The following ATAD5 variants were observed in gnomAD, a reference collection of about 807,000 sequenced individuals.
The protein encoded by ATAD5 is ATPase family AAA domain containing 5.
ATAD5 carries 58 observed loss-of-function variants against 176.9 expected under a neutral mutation model. That is an observed-to-expected ratio of 0.33 (90% CI 0.27 to 0.41). The LOEUF is 0.41. Ranked by LOEUF, ATAD5 falls within the 10% of genes least tolerant of loss-of-function variation. The pLI, the probability that ATAD5 is intolerant of heterozygous loss-of-function variation, is 1.00. For missense variants in ATAD5, 1,789 were observed against 2,094.1 expected, an observed-to-expected ratio of 0.85 and a Z score of 2.84; for synonymous variants, 640 against 712.6, an observed-to-expected ratio of 0.90 and a Z score of 1.62.
intron 18 of ATAD5, among the ~76,000 whole-genome samples, chr17:30,886,450 A>G (rs1445298608): frequency 6.6e-6 from 1 of 151,108 alleles, no homozygotes; most frequent in African/African-American, 2.4e-5. Context: ...CCGAGGCTGG[A>G]GTGCAATGGT....
chr17:30,868,993 CA>C (rs1908176691), intron 12 of ATAD5, among the ~76,000 whole-genome samples: 1 of 151,522 alleles, frequency 6.6e-6, no homozygotes, highest in African/African-American at 2.4e-5. Flanking sequence ...TGTGTCACCA[CA>C]CCTGGCTAAT....
rs570493692 is a variant in ATAD5, at chr17:30,872,373, G to T, written c.3607+2727G>T. ...CTGATGGGAAGACGAATCATTCACA[G>T]CTCTCTGTGAGCCTCAGAGATTGTT... On this transcript the variant is annotated intron_variant, in intron 14 of 22. Coordinates refer to ENST00000321990, the MANE Select transcript of ATAD5 (RefSeq NM_024857.5). 3.3e-5 allele frequency among the ~76,000 whole-genome samples: 5 copies of T among 152,130 alleles called. No homozygotes were observed. The South Asian group carries it at 1.0e-3, about 32-fold the overall frequency.
At chr17:30,851,731 C>T (rs1209991229) in intron 6 of ATAD5, among the ~76,000 whole-genome samples, 1 of 152,032 alleles carries the variant, frequency 6.6e-6, no homozygotes, top group East Asian at 1.9e-4. Flanking sequence ...TACAGGTATG[C>T]ACCACCACAC....
chr17:30,854,512 C>T (rs1377785814), intron 6 of ATAD5, among the ~76,000 whole-genome samples: 2 of 150,618 alleles, frequency 1.3e-5, no homozygotes, highest in Admixed American at 6.7e-5. Context: ...GGTGGGATTA[C>T]AGGCACCCGC....
intron 6 of ATAD5, among the ~76,000 whole-genome samples, chr17:30,849,126 C>G (rs1394718053): frequency 3.3e-5 from 5 of 152,188 alleles, no homozygotes; most frequent in Non-Finnish European, 7.3e-5. Context: ...CTGCCTCGGC[C>G]TCCCAAAGTG....
At position 30,835,699 on chromosome 17, in the gene ATAD5, G is replaced by A. The variant is rs1212819372; in HGVS notation, c.1618G>A (p.Val540Ile). The change falls in exon 2 of 23, where the codon GTT becomes ATT. Residue 540 changes from valine (V) to isoleucine (I), a missense_variant. Physicochemically the swap from Val to Ile is conservative, Grantham distance 29. Transcript: ENST00000321990. The stretch of plus-strand genomic sequence containing the variant: ...CACTTTATTTAACAATGAAAGTCTT[G>A]TTTATGAAGATATAGCAAATGATGA... ...SSTLFNNESL[V>I]YEDIANDDLL... 3 of 1,609,362 alleles carry A rather than the reference G, an allele frequency of 1.9e-6. No homozygotes were observed. The highest frequency in any genetic ancestry group is 1.7e-5 in the Admixed American group (1 of 58,848).
chr17:30,846,907 TG>T (rs1365415094), intron 6 of ATAD5, among the ~76,000 whole-genome samples: 2 of 151,188 alleles, frequency 1.3e-5, no homozygotes, highest in African/African-American at 4.9e-5. Context: ...TTAGTAGAGA[TG>T]GGGTTTTTCC....
intron 3 of ATAD5, 87 bp from the exon 4 acceptor site, chr17:30,840,530 A>C (rs1906038980): frequency 3.1e-6 from 3 of 960,506 alleles, no homozygotes; most frequent in African/African-American, 3.4e-5. Context: ...TTGATTATTT[A>C]ATGTGATTTG....
intron 19 of ATAD5, 133 bp downstream of exon 19, chr17:30,887,505 C>G (rs1161651810): frequency 4.5e-6 from 3 of 664,234 alleles, no homozygotes; most frequent in Non-Finnish European, 7.5e-6. Flanking sequence ...TCTCTTGAGG[C>G]CAGGAGGTCC....
chr17:30,834,168 A>T lies in ATAD5; in HGVS notation c.87A>T (p.Lys29Asn). Residue 29 changes from lysine (K) to asparagine (N), a missense_variant, in exon 2 of 23, where the codon AAA becomes AAT. Lys to Asn is a moderately conservative substitution (Grantham distance 94, BLOSUM62 0). Coordinates refer to ENST00000321990, the MANE Select transcript of ATAD5 (RefSeq NM_024857.5). ...CEIEPCKKRK[K>N]DDDTSTCKTI... ...GCCAGCCATGCAAAAAGCGAAAGAA[A>T]GATGATGACACATCTACCTGCAAAA... is the stretch of plus-strand genomic sequence containing the variant. 1 of 1,556,730 alleles carries T rather than the reference A, an allele frequency of 6.4e-7. No individual in the cohort carries two copies. Among genetic ancestry groups the T allele is most frequent in the Non-Finnish European group, 8.6e-7 (1 of 1,157,354 alleles).
At chr17:30,855,112 G>A (rs1386820674) in intron 6 of ATAD5, 31 bp from the exon 7 acceptor site, 1 of 1,534,328 alleles carries the variant, frequency 6.5e-7, no homozygotes, top group Admixed American at 2.1e-5. Context: ...TATAACCTTA[G>A]CTTTTCTTTT....
At chr17:30,853,406 A>G (rs1185873049) in intron 6 of ATAD5, among the ~76,000 whole-genome samples, 1 of 151,896 alleles carries the variant, frequency 6.6e-6, no homozygotes, top group Non-Finnish European at 1.5e-5. Context: ...CTTCTGCTAT[A>G]GAGACATACT....
rs1336821781 is a variant in ATAD5 at position 30,835,009 on chromosome 17, A to C, written c.928A>C (p.Asn310His). 18 of 1,613,896 alleles carry C rather than the reference A, an allele frequency of 1.1e-5. No individual in the cohort carries two copies. Among genetic ancestry groups the C allele is most frequent in the Non-Finnish European group, 1.4e-5 (17 of 1,179,992 alleles). The change falls in exon 2 of 23, where the codon AAC becomes CAC. Residue 310 changes from asparagine (N) to histidine (H), a missense_variant. By Grantham distance (68) the Asn-to-His change is moderately conservative (BLOSUM62 1). Transcript: ENST00000321990. ...VKSGYISESE[N>H]SEISQQVRFK... ...AAGTGGTTATATAAGTGAATCAGAA[A>C]ACTCCGAAATTTCCCAGCAGGTACG...
chr17:30,854,800 G>C (rs1308262481), intron 6 of ATAD5, among the ~76,000 whole-genome samples: 2 of 151,922 alleles, frequency 1.3e-5, no homozygotes, highest in Non-Finnish European at 2.9e-5. Context: ...AGACTGGAAG[G>C]CTAGATAGAG....
intron 3 of ATAD5, among the ~76,000 whole-genome samples, chr17:30,840,019 C>T (rs561099620): frequency 1.1e-4 from 16 of 151,628 alleles, no homozygotes; most frequent in South Asian, 8.4e-4. Context: ...GCCAACATGG[C>T]GAACCCCATC....
chr17:30,851,871 C>A (rs1457979591), intron 6 of ATAD5, among the ~76,000 whole-genome samples: 4 of 152,164 alleles, frequency 2.6e-5, no homozygotes, highest in African/African-American at 9.6e-5. Flanking sequence ...CATGAGCTAT[C>A]TTGCCTGGCC....
chr17:30,844,484 T>C (rs927467983), intron 5 of ATAD5, among the ~76,000 whole-genome samples: 9 of 151,968 alleles, frequency 5.9e-5, no homozygotes, highest in Non-Finnish European at 1.3e-4. Flanking sequence ...TAGTATCTTA[T>C]GTAAAATTTT....
chr17:30,893,739 C>T lies in ATAD5; in HGVS notation c.4886C>T (p.Pro1629Leu). The change falls in exon 21 of 23, where the codon CCT becomes CTT. Residue 1629 changes from proline (P) to leucine (L), a missense_variant. Transcript: ENST00000321990. The stretch of plus-strand genomic sequence containing the variant: ...GAGACAAAGAAATCTATTCCTTGTC[C>T]TCCTAAAACAACTGCAGGAAAAAAA... ...NPETKKSIPC[P>L]PKTTAGKKCS... 1.9e-6 allele frequency: 3 copies of T among 1,614,056 alleles called. No homozygotes were observed. The highest frequency in any genetic ancestry group is 2.5e-6 in the Non-Finnish European group (3 of 1,179,962).
At chr17:30,886,008 T>C (rs1038576921) in intron 18 of ATAD5, among the ~76,000 whole-genome samples, 3 of 152,156 alleles carry the variant, frequency 2.0e-5, no homozygotes, top group Admixed American at 1.3e-4. Flanking sequence ...TTTTCTACTT[T>C]TATCTATCTC....
Sources: gnomAD v4.1 joint callset for allele counts (sites outside exome capture counted in the v4.1 genomes callset) on GRCh38, gnomAD v4.1.1 for gene constraint, MANE v1.5 for transcripts, NCBI Gene and HGNC (gene_info 2026-07-23, HGNC 2026-07-21) for gene names.